The following HMGCLL1 variants were observed in gnomAD, a reference collection of about 807,000 sequenced individuals.
HMGCLL1 encodes 3-hydroxymethyl-3-methylglutaryl-CoA lyase, cytoplasmic.
A neutral mutation model predicts 39.1 loss-of-function variants in HMGCLL1; 36 were observed. The observed-to-expected ratio is 0.92, with a 90% confidence interval of 0.71 to 1.22. The LOEUF (loss-of-function observed/expected upper bound fraction) is 1.22, where lower values mean the gene tolerates loss of function less well. HMGCLL1 is among the 50% of genes most tolerant of loss of function. HMGCLL1 has a pLI of 0.00. For synonymous variants in HMGCLL1, 149 were observed against 144.0 expected, an observed-to-expected ratio of 1.03 and a Z score of -0.25; for missense variants, 451 against 416.5, an observed-to-expected ratio of 1.08 and a Z score of -0.72.
chr6:55,625,625 C>T, the HMGCLL1 span, among the ~76,000 whole-genome samples: 3 of 152,156 alleles, frequency 2.0e-5, no homozygotes, highest in East Asian at 1.9e-4. Flanking sequence ...CCCAGTGGGC[C>T]GAACTTTGAG....
intron 1 of HMGCLL1, 134 bp from the exon 2 acceptor site, chr6:55,542,274 A>T (rs1252285537): frequency 1.9e-6 from 1 of 537,312 alleles, no homozygotes. Flanking sequence ...CAATACAATG[A>T]TATCATGAAA....
At chr6:55,459,080 C>T (rs1764446591) in intron 7 of HMGCLL1, among the ~76,000 whole-genome samples, 1 of 152,062 alleles carries the variant, frequency 6.6e-6, no homozygotes, top group Non-Finnish European at 1.5e-5. Context: ...ACAGAGCAGC[C>T]TCCTCTCCTG....
intron 4 of HMGCLL1, among the ~76,000 whole-genome samples, chr6:55,516,307 T>C (rs760142536): frequency 9.2e-5 from 14 of 152,138 alleles, no homozygotes; most frequent in Non-Finnish European, 1.8e-4. Context: ...TTTTGAACGG[T>C]GAAGCTGGAA....
At chr6:55,580,406 C>CTTTTTTTTTTTTTTT (rs145371462), upstream of HMGCLL1, among the ~76,000 whole-genome samples, 41 of 73,266 alleles carry the variant, frequency 5.6e-4, 3 homozygotes, top group Non-Finnish European at 7.0e-4. Flanking sequence ...TTTTTTCTTT[C>CTTTTTTTTTTTTTTT]TTTTTTTTTT....
intron 5 of HMGCLL1, among the ~76,000 whole-genome samples, chr6:55,511,479 G>C (rs1193447721): frequency 6.6e-6 from 1 of 151,890 alleles, no homozygotes; most frequent in Non-Finnish European, 1.5e-5. Flanking sequence ...TGGACTATAT[G>C]AATGTTTACT....
At chr6:55,520,763 C>A (rs1032752580) in intron 3 of HMGCLL1, among the ~76,000 whole-genome samples, 1 of 151,766 alleles carries the variant, frequency 6.6e-6, no homozygotes, top group Non-Finnish European at 1.5e-5. Flanking sequence ...TTTTTTCAGA[C>A]GTTGCAGTGA....
At chr6:55,604,410 T>C in the HMGCLL1 span, among the ~76,000 whole-genome samples, 2 of 152,200 alleles carry the variant, frequency 1.3e-5, no homozygotes, top group African/African-American at 4.8e-5. Flanking sequence ...ATTGAATTTA[T>C]ATTTCTAGAT....
the HMGCLL1 span, among the ~76,000 whole-genome samples, chr6:55,637,408 G>A: frequency 1.3e-5 from 2 of 151,426 alleles, no homozygotes; most frequent in African/African-American, 4.9e-5. Flanking sequence ...ATTATGCTGT[G>A]GTAGACTAGA....
chr6:55,540,271 GACATTTCAT>G (rs1449952511), intron 3 of HMGCLL1, among the ~76,000 whole-genome samples: 1 of 152,044 alleles, frequency 6.6e-6, no homozygotes, highest in Non-Finnish European at 1.5e-5. Context: ...TGAAGAAGAA[GACATTTCAT>G]ACATCAGTAA....
chr6:55,442,934 A>G (rs1235023796), intron 7 of HMGCLL1, among the ~76,000 whole-genome samples: 1 of 152,152 alleles, frequency 6.6e-6, no homozygotes, highest in Non-Finnish European at 1.5e-5. Flanking sequence ...GCATTTCTTT[A>G]CTTATAGGTT....
At chr6:55,569,658 A>G (rs1178017174) in intron 1 of HMGCLL1, among the ~76,000 whole-genome samples, 1 of 152,228 alleles carries the variant, frequency 6.6e-6, no homozygotes, top group Non-Finnish European at 1.5e-5. Context: ...TGCCGGGTTC[A>G]TATTGAGCGT....
chr6:55,499,158 A>G, intron 6 of HMGCLL1, 78 bp downstream of exon 6: 4 of 1,158,326 alleles, frequency 3.5e-6, no homozygotes, highest in Non-Finnish European at 5.0e-6. Flanking sequence ...CAGATTCAAT[A>G]AATATTAAGA....
intron 5 of HMGCLL1, among the ~76,000 whole-genome samples, 172 bp from the exon 6 acceptor site, chr6:55,499,471 G>C (rs1766763500): frequency 6.6e-6 from 1 of 152,100 alleles, no homozygotes; most frequent in Middle Eastern, 3.4e-3. Flanking sequence ...TTTTCAATCA[G>C]CTCACATTTT....
chr6:55,530,580 CTAAA>C (rs1176995438), intron 3 of HMGCLL1, among the ~76,000 whole-genome samples: 5 of 151,914 alleles, frequency 3.3e-5, no homozygotes, highest in African/African-American at 7.2e-5. Flanking sequence ...CAGGCATACT[CTAAA>C]TAAAAAACGT....
At chr6:55,506,012 G>A (rs9475321) in intron 5 of HMGCLL1, among the ~76,000 whole-genome samples, 102,318 of 151,414 alleles carry the variant, frequency 0.68, 34,590 homozygotes, top group Non-Finnish European at 0.7. Flanking sequence ...AAATTAAATA[G>A]GTTGCAGAAT....
intron 7 of HMGCLL1, among the ~76,000 whole-genome samples, chr6:55,452,316 A>T (rs1461642263): frequency 6.6e-6 from 1 of 152,172 alleles, no homozygotes; most frequent in Non-Finnish European, 1.5e-5. Context: ...TCTCACCCAG[A>T]CTTAGAACAG....
chr6:55,582,820 A>G (rs1235703913), upstream of HMGCLL1, among the ~76,000 whole-genome samples: 1 of 152,062 alleles, frequency 6.6e-6, no homozygotes, highest in Non-Finnish European at 1.5e-5. Flanking sequence ...TTTTATTTAA[A>G]TTATTTGAAA....
chr6:55,605,234 T>G, the HMGCLL1 span, among the ~76,000 whole-genome samples: 1 of 152,202 alleles, frequency 6.6e-6, no homozygotes, highest in African/African-American at 2.4e-5. Context: ...TAACTCTGCC[T>G]GTCTGTATTA....
chr6:55,606,109 AT>A, the HMGCLL1 span, among the ~76,000 whole-genome samples: 1 of 152,136 alleles, frequency 6.6e-6, no homozygotes, highest in Non-Finnish European at 1.5e-5. Context: ...TAAATATTTC[AT>A]TGTTCTGTAA....
Sources: gnomAD v4.1 joint callset for allele counts (sites outside exome capture counted in the v4.1 genomes callset) on GRCh38, gnomAD v4.1.1 for gene constraint, MANE v1.5 for transcripts, NCBI Gene and HGNC (gene_info 2026-07-23, HGNC 2026-07-21) for gene names.